Variants in DPH6 observed in about 807,000 individuals in gnomAD.
DPH6 encodes the protein diphthamine biosynthesis 6.
A neutral mutation model predicts 38.2 loss-of-function variants in DPH6; 33 were observed. The observed-to-expected ratio is 0.86, with a 90% CI of 0.65 to 1.15. The LOEUF (loss-of-function observed/expected upper bound fraction) is 1.15. Among genes scored for constraint, DPH6 ranks in the 50% most tolerant of loss-of-function variants. The pLI, the probability that DPH6 is intolerant of heterozygous loss-of-function variation, is 0.00. For missense variants in DPH6, 325 were observed against 320.0 expected (o/e 1.02, Z -0.12); for synonymous variants, 108 against 103.0 (o/e 1.05, Z -0.30).
chr15:35,149,517 G>A, the DPH6 span, among the ~76,000 whole-genome samples: 7 of 152,246 alleles, frequency 4.6e-5, no homozygotes, highest in South Asian at 2.1e-4. Flanking sequence ...GATTACAGGC[G>A]TGAGCCACTG....
chr15:35,201,653 CAA>C, the DPH6 span, among the ~76,000 whole-genome samples: 1 of 151,756 alleles, frequency 6.6e-6, no homozygotes, highest in Non-Finnish European at 1.5e-5. Context: ...TCTTTCCAGA[CAA>C]GAGTCTCGTG....
At chr15:35,225,483 G>T (rs1484447600) in intron 3 of DPH6, among the ~76,000 whole-genome samples, 2 of 152,228 alleles carry the variant, frequency 1.3e-5, no homozygotes, top group East Asian at 1.9e-4. Context: ...TTTAAATTTT[G>T]TTGCTAAAAT....
At chr15:35,525,046 A>G (rs1316632397) in intron 3 of DPH6, among the ~76,000 whole-genome samples, 1 of 152,196 alleles carries the variant, frequency 6.6e-6, no homozygotes, top group African/African-American at 2.4e-5. Flanking sequence ...TGAGCACTGA[A>G]GAGTATTCAA....
chr15:35,201,690 G>C, the DPH6 span, among the ~76,000 whole-genome samples: 1 of 151,516 alleles, frequency 6.6e-6, no homozygotes, highest in Non-Finnish European at 1.5e-5. Context: ...GATATTACCG[G>C]ATATTTTATA....
intron 6 of DPH6, among the ~76,000 whole-genome samples, chr15:35,395,908 T>C (rs2053125516): frequency 6.6e-6 from 1 of 152,216 alleles, no homozygotes; most frequent in Non-Finnish European, 1.5e-5. Flanking sequence ...ATAGAAGTTC[T>C]TACACATACT....
At chr15:35,289,401 C>T (rs9989338) in intron 3 of DPH6, among the ~76,000 whole-genome samples, 4,251 of 152,192 alleles carry the variant, frequency 0.028, 192 homozygotes, top group African/African-American at 0.097. Context: ...CTGTTAGTGG[C>T]CCAAATGTCA....
intron 3 of DPH6, among the ~76,000 whole-genome samples, chr15:35,466,057 C>T (rs1566920472): frequency 6.6e-6 from 1 of 151,992 alleles, no homozygotes; most frequent in Non-Finnish European, 1.5e-5. Context: ...AAGGTGGGGC[C>T]AGGCATGGTG....
intron 5 of DPH6, among the ~76,000 whole-genome samples, chr15:35,429,039 A>C (rs8025220): frequency 0.37 from 55,660 of 152,082 alleles, 12,223 homozygotes; most frequent in African/African-American, 0.62. Context: ...TCTATGAATG[A>C]CTTTTGCACA....
intron 3 of DPH6, among the ~76,000 whole-genome samples, chr15:35,264,341 T>C (rs1403805958): frequency 6.6e-6 from 1 of 152,168 alleles, no homozygotes; most frequent in African/African-American, 2.4e-5. Flanking sequence ...CAAGAGGCAA[T>C]GCTACTCTTC....
At chr15:35,387,548 G>C (rs1374128770) in intron 6 of DPH6, among the ~76,000 whole-genome samples, 2 of 152,064 alleles carry the variant, frequency 1.3e-5, no homozygotes, top group Admixed American at 6.6e-5. Context: ...TCCTTGAAGA[G>C]GTCCTTCACA....
chr15:35,342,721 G>A (rs1399868151), intron 3 of DPH6, among the ~76,000 whole-genome samples: 6 of 152,118 alleles, frequency 3.9e-5, no homozygotes, highest in African/African-American at 1.4e-4. Flanking sequence ...TAGAAAAAAT[G>A]TTCAATATTT....
chr15:35,411,710 T>C (rs1041033736), intron 5 of DPH6, among the ~76,000 whole-genome samples: 18 of 151,664 alleles, frequency 1.2e-4, no homozygotes, highest in African/African-American at 3.9e-4. Flanking sequence ...TTTACATATA[T>C]TGGCATAGTT....
intron 3 of DPH6, among the ~76,000 whole-genome samples, chr15:35,496,570 ATATATAT>A (rs2054560665): frequency 3.7e-5 from 4 of 108,304 alleles, no homozygotes; most frequent in Non-Finnish European, 5.5e-5. Flanking sequence ...AAAAAAAAAT[ATATATAT>A]ATATATATAT....
At chr15:35,479,306 A>G (rs558284317) in intron 3 of DPH6, among the ~76,000 whole-genome samples, 1 of 152,222 alleles carries the variant, frequency 6.6e-6, no homozygotes, top group East Asian at 1.9e-4. Context: ...CTGTCTACCT[A>G]TGAGTATAGG....
intron 3 of DPH6, among the ~76,000 whole-genome samples, chr15:35,292,877 AT>A (rs1169233085): frequency 6.6e-6 from 1 of 152,138 alleles, no homozygotes; most frequent in Non-Finnish European, 1.5e-5. Flanking sequence ...TTTACTTTGA[AT>A]ATAACATTTT....
At chr15:35,303,706 AG>A (rs1566864130) in intron 3 of DPH6, among the ~76,000 whole-genome samples, 2 of 150,680 alleles carry the variant, frequency 1.3e-5, no homozygotes, top group East Asian at 3.9e-4. Context: ...AAAAAAAAAA[AG>A]GGGGAGGAGA....
the DPH6 span, among the ~76,000 whole-genome samples, chr15:35,182,220 A>ATTTTTTTTTT: frequency 5.8e-5 from 5 of 86,042 alleles, 1 homozygote; most frequent in African/African-American, 3.9e-5. Flanking sequence ...AACTCTAAGA[A>ATTTTTTTTTT]TTTTTTTTTT....
At chr15:35,368,031 G>C (rs115392856), downstream of DPH6, among the ~76,000 whole-genome samples, 864 of 152,044 alleles carry the variant, frequency 5.7e-3, 10 homozygotes, top group African/African-American at 0.019. Flanking sequence ...AAATGGAACA[G>C]TAGTCAAGAC....
intron 3 of DPH6, among the ~76,000 whole-genome samples, chr15:35,504,319 C>T (rs1289066623): frequency 3.3e-5 from 5 of 151,894 alleles, no homozygotes; most frequent in Non-Finnish European, 7.4e-5. Flanking sequence ...GAGGTATGTG[C>T]CATGTTTTGT....
Sources: allele counts gnomAD v4.1 joint callset (sites outside exome capture counted in the v4.1 genomes callset), GRCh38; gene constraint gnomAD v4.1.1; transcripts MANE v1.5; gene names NCBI Gene and HGNC (gene_info 2026-07-23, HGNC 2026-07-21).